HUNK: variants seen among roughly 807,000 people sequenced by gnomAD.
HUNK encodes hormonally up-regulated neu tumor-associated kinase.
In HUNK, 21 loss-of-function variants were observed where a neutral mutation model predicts 61.0. That is an observed-to-expected ratio of 0.34 (90% CI 0.24 to 0.50). The LOEUF is 0.50. HUNK is among the 20% of genes least tolerant of loss of function. HUNK has a pLI of 0.98. For missense variants in HUNK, 772 were observed against 945.7 expected, an observed-to-expected ratio of 0.82 and a Z score of 2.41; for synonymous variants, 371 against 386.1, an observed-to-expected ratio of 0.96 and a Z score of 0.46.
chr21:31,876,559 C>T (rs1245272301), intron 1 of HUNK, among the ~76,000 whole-genome samples: 1 of 152,128 alleles, frequency 6.6e-6, no homozygotes, highest in Non-Finnish European at 1.5e-5. Context: ...CTAACTAAGG[C>T]CAAAACAAAG....
intron 1 of HUNK, among the ~76,000 whole-genome samples, chr21:31,915,156 A>T (rs975571591): frequency 6.6e-6 from 1 of 151,972 alleles, no homozygotes; most frequent in South Asian, 2.1e-4. Context: ...GATGCTTAAC[A>T]AGTTTCAGAT....
chr21:31,930,120 G>A (rs1305053604), intron 2 of HUNK, among the ~76,000 whole-genome samples: 1 of 152,190 alleles, frequency 6.6e-6, no homozygotes, highest in East Asian at 1.9e-4. Flanking sequence ...GATGTACAGT[G>A]GTCCGCAGTG....
intron 6 of HUNK, among the ~76,000 whole-genome samples, chr21:31,970,449 A>G (rs2053001881): frequency 6.6e-6 from 1 of 152,168 alleles, no homozygotes; most frequent in Non-Finnish European, 1.5e-5. Context: ...TTCCAATAAC[A>G]GCTCGATGTG....
chr21:31,921,837 T>G (rs886808943), intron 1 of HUNK, among the ~76,000 whole-genome samples: 1 of 152,236 alleles, frequency 6.6e-6, no homozygotes, highest in Non-Finnish European at 1.5e-5. Context: ...TTTTAAGGTT[T>G]TCTTCAGCTT....
intron 8 of HUNK, among the ~76,000 whole-genome samples, chr21:31,984,636 CTG>C (rs1053795782): frequency 2.0e-5 from 3 of 152,194 alleles, no homozygotes; most frequent in East Asian, 1.9e-4. Flanking sequence ...TGTTAGGAAA[CTG>C]TGTCTGTGAA....
At chr21:31,901,958 C>G (rs1410205568) in intron 1 of HUNK, among the ~76,000 whole-genome samples, 1 of 152,142 alleles carries the variant, frequency 6.6e-6, no homozygotes, top group African/African-American at 2.4e-5. Context: ...GGTTGAGAGT[C>G]ACATCCATGC....
intron 3 of HUNK, among the ~76,000 whole-genome samples, chr21:31,942,363 G>C (rs1450043370): frequency 6.6e-6 from 1 of 152,174 alleles, no homozygotes; most frequent in Admixed American, 6.5e-5. Flanking sequence ...GGTAGCCCTA[G>C]GTGACCACTG....
chr21:31,909,636 C>A (rs1241036086), intron 1 of HUNK, among the ~76,000 whole-genome samples: 1 of 152,086 alleles, frequency 6.6e-6, no homozygotes, highest in African/African-American at 2.4e-5. Context: ...GCAGTTGAGC[C>A]CTGCTACATA....
At chr21:31,900,732 T>C (rs1215034902) in intron 1 of HUNK, among the ~76,000 whole-genome samples, 1 of 152,202 alleles carries the variant, frequency 6.6e-6, no homozygotes, top group Non-Finnish European at 1.5e-5. Context: ...TTATCGTGTT[T>C]ATTGTTTAAC....
At chr21:31,884,739 T>G (rs1264645323) in intron 1 of HUNK, among the ~76,000 whole-genome samples, 1 of 152,152 alleles carries the variant, frequency 6.6e-6, no homozygotes, top group Non-Finnish European at 1.5e-5. Context: ...AGGCTTAGAC[T>G]TCACAGCCTC....
chr21:31,973,609 T>G (rs2053028609), intron 6 of HUNK, among the ~76,000 whole-genome samples: 2 of 151,396 alleles, frequency 1.3e-5, no homozygotes, highest in Non-Finnish European at 2.9e-5. Flanking sequence ...ATGATGATGA[T>G]GGATGTGTCT....
At chr21:31,946,217 C>T in intron 4 of HUNK, 46 bp downstream of exon 4, 1 of 1,579,542 alleles carries the variant, frequency 6.3e-7, no homozygotes, top group Non-Finnish European at 8.7e-7. Flanking sequence ...CTGCTGTCTC[C>T]ACCGTGCCTT....
At chr21:31,976,365 A>G (rs969651645) in intron 7 of HUNK, among the ~76,000 whole-genome samples, 2 of 151,534 alleles carry the variant, frequency 1.3e-5, no homozygotes, top group Non-Finnish European at 2.9e-5. Context: ...ATCACACAGC[A>G]GTTCTCTGTT....
At chr21:31,918,908 C>T (rs562848504) in intron 1 of HUNK, among the ~76,000 whole-genome samples, 36 of 152,192 alleles carry the variant, frequency 2.4e-4, no homozygotes, top group African/African-American at 8.4e-4. Context: ...TCACGGAAGG[C>T]CTTGGTACGA....
intron 2 of HUNK, among the ~76,000 whole-genome samples, chr21:31,933,559 T>C (rs1353457763): frequency 2.0e-5 from 3 of 151,390 alleles, no homozygotes; most frequent in Non-Finnish European, 4.4e-5. Context: ...CCGAGGTAGG[T>C]GGATCACCTG....
At chr21:31,930,685 G>A (rs1036386340) in intron 2 of HUNK, among the ~76,000 whole-genome samples, 2 of 152,210 alleles carry the variant, frequency 1.3e-5, no homozygotes, top group African/African-American at 4.8e-5. Context: ...ATGAAGGAAG[G>A]AAAATTGAAT....
chr21:31,875,152 G>C (rs946945615), intron 1 of HUNK, among the ~76,000 whole-genome samples: 43 of 152,206 alleles, frequency 2.8e-4, no homozygotes, highest in African/African-American at 9.4e-4. Context: ...GGTGGCCTGG[G>C]AGCCGAGCCC....
At chr21:31,958,341 C>G (rs992950368) in intron 4 of HUNK, among the ~76,000 whole-genome samples, 2 of 151,926 alleles carry the variant, frequency 1.3e-5, no homozygotes, top group Admixed American at 6.6e-5. Context: ...TCTTGACGCT[C>G]AGGCTGGAGT....
intron 10 of HUNK, among the ~76,000 whole-genome samples, chr21:31,997,148 C>T (rs1182526541): frequency 6.6e-6 from 1 of 152,216 alleles, no homozygotes; most frequent in Non-Finnish European, 1.5e-5. Flanking sequence ...GCCTATAAAA[C>T]GTTATGGGAG....
Sources: allele counts gnomAD v4.1 joint callset (sites outside exome capture counted in the v4.1 genomes callset), GRCh38; gene constraint gnomAD v4.1.1; transcripts MANE v1.5; gene names NCBI Gene and HGNC (gene_info 2026-07-23, HGNC 2026-07-21).